The following TCEANC2 variants were observed in gnomAD, a reference collection of about 807,000 sequenced individuals.
TCEANC2 encodes transcription elongation factor A N-terminal and central domain containing 2, also known as transcription elongation factor A N-terminal and central domain-containing protein 2.
Under a neutral mutation model 22.8 loss-of-function variants are expected in TCEANC2, and 20 were observed. That is an observed-to-expected ratio of 0.88 (90% CI 0.62 to 1.28). TCEANC2 has a LOEUF of 1.28. TCEANC2 is among the 50% of genes most tolerant of loss of function. The pLI, the probability that TCEANC2 is intolerant of heterozygous loss-of-function variation, is 0.00. For missense variants in TCEANC2, 251 were observed against 249.7 expected, an observed-to-expected ratio of 1.01 and a Z score of -0.03; for synonymous variants, 84 against 95.5, an observed-to-expected ratio of 0.88 and a Z score of 0.70.
At chr1:54,106,502 T>C (rs12046178), downstream of TCEANC2, among the ~76,000 whole-genome samples, 46,821 of 152,082 alleles carry the variant, frequency 0.31, 7,607 homozygotes, top group Admixed American at 0.44. Flanking sequence ...TTTACATTTT[T>C]TGTACTAAGC....
chr1:54,070,313 A>G (rs1254610673), intron 3 of TCEANC2, among the ~76,000 whole-genome samples: 1 of 152,238 alleles, frequency 6.6e-6, no homozygotes, highest in Non-Finnish European at 1.5e-5. Flanking sequence ...AGTGATTACT[A>G]GTTTATGACA....
chr1:54,071,323 G>A (rs923583781), intron 3 of TCEANC2, among the ~76,000 whole-genome samples: 1 of 152,172 alleles, frequency 6.6e-6, no homozygotes, highest in Non-Finnish European at 1.5e-5. Context: ...TTCTAGCACA[G>A]GGTCTCTTAT....
intron 3 of TCEANC2, among the ~76,000 whole-genome samples, chr1:54,082,404 C>T (rs750785611): frequency 6.6e-6 from 1 of 152,164 alleles, no homozygotes; most frequent in Admixed American, 6.5e-5. Context: ...ATTTGAAAGT[C>T]AAATGTAAAT....
chr1:54,073,963 GGT>G (rs1462904769), intron 3 of TCEANC2, among the ~76,000 whole-genome samples: 3 of 152,162 alleles, frequency 2.0e-5, no homozygotes, highest in African/African-American at 7.2e-5. Flanking sequence ...TGGGCAAGTA[GGT>G]GGATGGCAGT....
At chr1:54,079,197 T>C (rs1390615765) in intron 3 of TCEANC2, among the ~76,000 whole-genome samples, 2 of 152,166 alleles carry the variant, frequency 1.3e-5, no homozygotes, top group East Asian at 1.9e-4. Context: ...TTGTTTATGA[T>C]TGTTTAACAA....
intron 2 of TCEANC2, among the ~76,000 whole-genome samples, chr1:54,063,144 A>G (rs1373073363): frequency 6.6e-6 from 1 of 152,160 alleles, no homozygotes; most frequent in African/African-American, 2.4e-5. Context: ...TAAGGCCAGT[A>G]TGGATGGGAG....
Position 54,096,260 on chromosome 1 carries a change from ATTTGATAAT to A in TCEANC2, c.439-20_439-12del, listed in dbSNP as rs779875065. 8 of 1,578,348 alleles carry A rather than the reference ATTTGATAAT, an allele frequency of 5.1e-6. No homozygotes were observed. The East Asian group carries it at 1.8e-4, about 36-fold the overall frequency. On this transcript the variant is annotated splice_polypyrimidine_tract_variant and intron_variant, in intron 4 of 4. Transcript: ENST00000234827. The surrounding 1 kb of genome is among the most constrained non-coding windows in gnomAD (Gnocchi z 4.9). ...AATCCTTACGCAATGTAAGGCTCTAATTTGATAATTTTGCTGTTTTTTAGATGGATCACC... is the reference window on the plus strand; with the variant it reads ...AATCCTTACGCAATGTAAGGCTCTAATTTGCTGTTTTTTAGATGGATCACC...
At chr1:54,066,750 T>C (rs893145316) in intron 2 of TCEANC2, among the ~76,000 whole-genome samples, 1 of 152,260 alleles carries the variant, frequency 6.6e-6, no homozygotes. Flanking sequence ...TTCTTCCTAT[T>C]CAAAATTTCC....
intron 3 of TCEANC2, among the ~76,000 whole-genome samples, chr1:54,074,161 G>A (rs1218165163): frequency 6.6e-6 from 1 of 152,136 alleles, no homozygotes; most frequent in African/African-American, 2.4e-5. Flanking sequence ...CTGGGAAATG[G>A]TGTGATAATA....
intron 2 of TCEANC2, among the ~76,000 whole-genome samples, chr1:54,064,995 C>G (rs113164845): frequency 2.6e-5 from 4 of 152,202 alleles, no homozygotes; most frequent in African/African-American, 9.6e-5. Context: ...CCACTGTGCC[C>G]GGCTGGGGTT....
At chr1:54,069,802 T>C (rs984437182) in intron 3 of TCEANC2, among the ~76,000 whole-genome samples, 19 of 152,202 alleles carry the variant, frequency 1.2e-4, no homozygotes, top group Non-Finnish European at 2.6e-4. Flanking sequence ...CATCTTGATA[T>C]TATAGCATTG....
chr1:54,092,664 G>A (rs2100385169), intron 4 of TCEANC2, among the ~76,000 whole-genome samples: 1 of 152,264 alleles, frequency 6.6e-6, no homozygotes, highest in South Asian at 2.1e-4. Flanking sequence ...AGTCTTCTGA[G>A]GAAGACAGAC....
chr1:54,081,938 T>C (rs1231251562), intron 3 of TCEANC2, among the ~76,000 whole-genome samples: 1 of 152,250 alleles, frequency 6.6e-6, no homozygotes, highest in Non-Finnish European at 1.5e-5. Flanking sequence ...CTTCTGATTT[T>C]GGAATACCAA....
intron 4 of TCEANC2, among the ~76,000 whole-genome samples, chr1:54,092,391 G>C (rs1035354578): frequency 2.6e-5 from 4 of 152,216 alleles, no homozygotes; most frequent in African/African-American, 9.6e-5. Context: ...GAATGTTTCG[G>C]AGAAGAGATG....
At chr1:54,111,977 C>A (rs1658847371) in exon 5 of TCEANC2, 1 of 152,226 alleles carries the variant, frequency 6.6e-6, no homozygotes, top group Non-Finnish European at 1.5e-5. Context: ...TTAATCTCTT[C>A]ACTTTCTCTT....
At chr1:54,087,991 G>A (rs1658372019) in intron 3 of TCEANC2, among the ~76,000 whole-genome samples, 1 of 152,152 alleles carries the variant, frequency 6.6e-6, no homozygotes, top group Non-Finnish European at 1.5e-5. Context: ...GGTTAAGGGT[G>A]CGAAGTACTT....
chr1:54,064,738 C>T (rs1246221013), intron 2 of TCEANC2, among the ~76,000 whole-genome samples: 1 of 125,362 alleles, frequency 8.0e-6, no homozygotes, highest in Non-Finnish European at 1.6e-5. Flanking sequence ...CTCACTGTGT[C>T]ACCTAGGCTG....
intron 2 of TCEANC2, among the ~76,000 whole-genome samples, chr1:54,060,182 T>A (rs957847550): frequency 6.7e-6 from 1 of 150,102 alleles, no homozygotes; most frequent in Non-Finnish European, 1.5e-5. Context: ...CTGAGGCGGG[T>A]GGATCATGAG....
chr1:54,066,418 A>G (rs1229909762), intron 2 of TCEANC2, among the ~76,000 whole-genome samples: 2 of 152,224 alleles, frequency 1.3e-5, no homozygotes, highest in African/African-American at 4.8e-5. Flanking sequence ...CTCAGATTGG[A>G]ATAGGAGGCA....
Sources: allele counts gnomAD v4.1 joint callset (sites outside exome capture counted in the v4.1 genomes callset), GRCh38; gene constraint gnomAD v4.1.1; non-coding constraint Gnocchi (gnomAD v3.1); transcripts MANE v1.5; gene names NCBI Gene and HGNC (gene_info 2026-07-23, HGNC 2026-07-21).